Variants in DCHS2 observed in about 807,000 individuals in gnomAD.
DCHS2 encodes the protein protocadherin-23.
DCHS2 carries 142 observed loss-of-function variants against 182.4 expected under a neutral mutation model. The ratio of observed to expected loss-of-function variants is 0.78; its 90% CI spans 0.68 to 0.89. The LOEUF (loss-of-function observed/expected upper bound fraction) is 0.89, where lower values mean the gene tolerates loss of function less well. Ranked by LOEUF, DCHS2 falls within the 40% of genes least tolerant of loss-of-function variation. The pLI, the probability that DCHS2 is intolerant of heterozygous loss-of-function variation, is 0.00. For synonymous variants in DCHS2, 1,740 were observed against 1,663.3 expected, an observed-to-expected ratio of 1.05 and a Z score of -1.12; for missense variants, 4,319 against 4,198.6, an observed-to-expected ratio of 1.03 and a Z score of -0.79.
chr4:154,420,717 G>A (rs1388346150), intron 1 of DCHS2, among the ~76,000 whole-genome samples: 1 of 152,088 alleles, frequency 6.6e-6, no homozygotes, highest in East Asian at 1.9e-4. Context: ...TCCTTACTCG[G>A]TCCACTGATT....
chr4:154,246,643 C>T (rs535026095), intron 16 of DCHS2, among the ~76,000 whole-genome samples: 1 of 151,924 alleles, frequency 6.6e-6, no homozygotes. Flanking sequence ...CTAATTAATA[C>T]CTTGGAGAGA....
intron 3 of DCHS2, among the ~76,000 whole-genome samples, chr4:154,346,710 G>A (rs1729377951): frequency 6.6e-6 from 1 of 151,760 alleles, no homozygotes; most frequent in African/African-American, 2.4e-5. Context: ...ATTTGTCCCT[G>A]GCCAGTGGGA....
At chr4:154,337,702 C>T (rs1431551593) in intron 3 of DCHS2, among the ~76,000 whole-genome samples, 1 of 151,930 alleles carries the variant, frequency 6.6e-6, no homozygotes, top group Non-Finnish European at 1.5e-5. Flanking sequence ...ACTTCTTCAT[C>T]TTCTTTGATG....
rs1452270071 is a variant in DCHS2 at position 154,333,145 on chromosome 4, C to A, written c.3063G>T (p.Pro1021=). 5 of 1,614,122 alleles carry A rather than the reference C, an allele frequency of 3.1e-6. No individual in the cohort carries two copies. In the South Asian group the frequency reaches 5.5e-5, roughly 18 times the overall value. ...TGTCGATGGCAAAGACGCCTGGCTG[C>A]GGGCTGGCGATGGAGTACCGGATGA... ...NGLIRYSIAS[P]QPGVFAIDRA... The change falls in exon 5 of 20, where the codon CCG becomes CCT. Residue 1021 remains proline, a synonymous_variant. Coordinates refer to ENST00000357232, the MANE Select transcript of DCHS2 (RefSeq NM_001358235.2).
chr4:154,437,025 G>T (rs1285078541), intron 1 of DCHS2, among the ~76,000 whole-genome samples: 1 of 152,022 alleles, frequency 6.6e-6, no homozygotes, highest in Non-Finnish European at 1.5e-5. Flanking sequence ...TCATGTATCT[G>T]GCTCACATCG....
At chr4:154,343,533 G>GCTT in intron 3 of DCHS2, 1 of 1,520,474 alleles carries the variant, frequency 6.6e-7, no homozygotes, top group Non-Finnish European at 8.8e-7. Context: ...AGCACTTGCT[G>GCTT]CTTCATCTTG....
At chr4:154,360,132 T>C (rs1412126872) in intron 3 of DCHS2, among the ~76,000 whole-genome samples, 1 of 152,058 alleles carries the variant, frequency 6.6e-6, no homozygotes, top group East Asian at 1.9e-4. Context: ...TAAAAATATT[T>C]GCCATGTTTA....
intron 1 of DCHS2, among the ~76,000 whole-genome samples, chr4:154,428,364 AC>A (rs902437717): frequency 9.9e-5 from 15 of 152,010 alleles, no homozygotes; most frequent in African/African-American, 3.6e-4. Flanking sequence ...ACACAGTGAG[AC>A]CCCCCATCTC....
At chr4:154,248,141 A>T (rs1228378816) in intron 16 of DCHS2, among the ~76,000 whole-genome samples, 4 of 152,224 alleles carry the variant, frequency 2.6e-5, no homozygotes, top group Admixed American at 2.6e-4. Context: ...GATATAGCCA[A>T]TTGGGCACTC....
chr4:154,242,856 A>T (rs1233171759), intron 16 of DCHS2, 84 bp from the exon 17 acceptor site: 57 of 1,461,192 alleles, frequency 3.9e-5, no homozygotes, highest in Non-Finnish European at 4.9e-5. Context: ...CTAGTTGAAA[A>T]TTTTAAAATG....
At position 154,315,960 on chromosome 4, in the gene DCHS2, TC is replaced by T. The variant is rs750276280; in HGVS notation, c.5047del (p.Asp1683IlefsTer4). On this transcript the variant is annotated frameshift_variant, in exon 10 of 20. Coordinates refer to ENST00000357232, the MANE Select transcript of DCHS2 (RefSeq NM_001358235.2). LOFTEE classifies it high-confidence loss of function. ...SGLLTTTCPL[D>X]YEMKTQHILT... ...AATATGCTGAGTTTTCATTTCATAA[TC>T]CAAAGGACAGGTTGTGGTTAGTAAG... 5.3e-5 allele frequency: 85 copies of T among 1,613,878 alleles called. No homozygotes were observed. The highest frequency in any genetic ancestry group is 6.9e-5 in the Non-Finnish European group (82 of 1,179,982).
intron 3 of DCHS2, among the ~76,000 whole-genome samples, chr4:154,338,266 T>G (rs571592611): frequency 2.2e-4 from 34 of 152,300 alleles, no homozygotes; most frequent in Non-Finnish European, 4.3e-4. Flanking sequence ...TAAAAGAAAT[T>G]TTGAAAATAT....
Position 154,298,579 on chromosome 4 carries a change from G to C in DCHS2, c.5735C>G (p.Pro1912Arg). 1 of 1,614,138 alleles carries C rather than the reference G, an allele frequency of 6.2e-7. No individual in the cohort carries two copies. The highest frequency in any genetic ancestry group is 8.5e-7 in the Non-Finnish European group (1 of 1,179,992). The change falls in exon 13 of 20, where the codon CCT becomes CGT. Residue 1912 changes from proline (P) to arginine (R), a missense_variant. Physicochemically the swap from Pro to Arg is moderately radical, Grantham distance 103. Coordinates refer to ENST00000357232, the MANE Select transcript of DCHS2 (RefSeq NM_001358235.2). ...VILCSDLGDPPRSSVIHLQVR... is the reference protein window; with the variant it reads ...VILCSDLGDPRRSSVIHLQVR... ...TTGCAGGTGTATTACAGAGCTCCTA[G>C]GTGGATCTCCCAGGTCAGAGCACAG...
At chr4:154,340,000 A>T (rs1022800134) in intron 3 of DCHS2, among the ~76,000 whole-genome samples, 1 of 152,168 alleles carries the variant, frequency 6.6e-6, no homozygotes, top group Admixed American at 6.6e-5. Flanking sequence ...TAGTTTAAAA[A>T]TTTTTTAATA....
Position 154,366,406 on chromosome 4 carries a change from G to A in DCHS2, c.2280C>T (p.Asp760=), listed in dbSNP as rs1426256659. The A allele has an allele frequency of 6.8e-6, 11 of 1,613,736 alleles. No homozygotes were observed. Among genetic ancestry groups the A allele is most frequent in the Non-Finnish European group, 7.6e-6 (9 of 1,179,858 alleles). Residue 760 remains aspartate, a synonymous_variant, in exon 3 of 20, where the codon GAC becomes GAT. Transcript: ENST00000357232. ...GLSAQAFVRV[D]LEDVNDNHPV... The stretch of plus-strand genomic sequence containing the variant: ...GATGATTATCATTCACGTCCTCCAG[G>A]TCCACACGAACAAAGGCTTGGGCAC...
chr4:154,322,280 G>T (rs1332068930), intron 8 of DCHS2, 51 bp downstream of exon 8: 1 of 1,608,096 alleles, frequency 6.2e-7, no homozygotes, highest in Admixed American at 1.7e-5. Flanking sequence ...TGTAATGAAA[G>T]TCAAATGAAA....
intron 1 of DCHS2, among the ~76,000 whole-genome samples, chr4:154,405,565 A>C (rs1051098592): frequency 7.9e-5 from 12 of 152,152 alleles, no homozygotes; most frequent in African/African-American, 2.6e-4. Flanking sequence ...CTAATGCTTT[A>C]AAAATATTTT....
At chr4:154,410,894 C>T (rs4615159) in intron 1 of DCHS2, among the ~76,000 whole-genome samples, 31,951 of 152,002 alleles carry the variant, frequency 0.21, 3,460 homozygotes, top group East Asian at 0.29. Flanking sequence ...CAAGTATTGA[C>T]ATATATAGGA....
chr4:154,441,250 A>G lies in DCHS2; in HGVS notation c.2052+48054T>C, dbSNP rs142115827. Among the ~76,000 whole-genome samples, 215 of 152,342 alleles carry G rather than the reference A, an allele frequency of 1.4e-3. 4 individuals carry two copies. The highest frequency in any genetic ancestry group is 0.014 in the Admixed American group (213 of 15,298). ...GCCAAAATATCTTCAATATGATAAT[A>G]CAGTATGTTCAAAAGATTTCTGCAT... On this transcript the variant is annotated intron_variant, in intron 1 of 19. Coordinates refer to ENST00000357232, the MANE Select transcript of DCHS2 (RefSeq NM_001358235.2).
Sources: gnomAD v4.1 joint callset for allele counts (sites outside exome capture counted in the v4.1 genomes callset) on GRCh38, gnomAD v4.1.1 for gene constraint, MANE v1.5 for transcripts, NCBI Gene and HGNC (gene_info 2026-07-23, HGNC 2026-07-21) for gene names.